MAML3: variants seen among roughly 807,000 people sequenced by gnomAD.
MAML3 encodes mastermind like transcriptional coactivator 3.
Under a neutral mutation model 101.9 loss-of-function variants are expected in MAML3, and 27 were observed. That is an observed-to-expected ratio of 0.27 (90% confidence interval 0.20 to 0.37). MAML3 has a LOEUF of 0.37. MAML3 is among the 10% of genes least tolerant of loss of function. The pLI is 1.00. For synonymous variants in MAML3, 501 were observed against 555.9 expected, an observed-to-expected ratio of 0.90 and a Z score of 1.39; for missense variants, 1,316 against 1,444.9, an observed-to-expected ratio of 0.91 and a Z score of 1.45.
chr4:139,772,515 G>A (rs969932189), intron 2 of MAML3, among the ~76,000 whole-genome samples: 11 of 151,156 alleles, frequency 7.3e-5, no homozygotes, highest in Non-Finnish European at 1.2e-4. Flanking sequence ...CTAATTTTTC[G>A]TATTTTCAGT....
chr4:139,797,676 G>A (rs1189324537), intron 2 of MAML3, among the ~76,000 whole-genome samples: 1 of 152,058 alleles, frequency 6.6e-6, no homozygotes, highest in Non-Finnish European at 1.5e-5. Context: ...TTGATATGAT[G>A]TTTGGTTGGA....
chr4:139,826,401 C>T (rs1402378937), intron 2 of MAML3, among the ~76,000 whole-genome samples: 2 of 152,110 alleles, frequency 1.3e-5, no homozygotes, highest in Admixed American at 6.6e-5. Context: ...GGATTATTCA[C>T]CTGCTGGGTG....
At chr4:140,137,615 A>G (rs1728916850) in intron 1 of MAML3, among the ~76,000 whole-genome samples, 1 of 152,260 alleles carries the variant, frequency 6.6e-6, no homozygotes, top group African/African-American at 2.4e-5. Context: ...AGGAAAAGAT[A>G]GACATAAATA....
chr4:139,844,561 C>T (rs1731410259), intron 2 of MAML3, among the ~76,000 whole-genome samples: 1 of 152,220 alleles, frequency 6.6e-6, no homozygotes, highest in Admixed American at 6.5e-5. Flanking sequence ...GAATCACTGC[C>T]AACATCCTGA....
chr4:140,016,364 T>G (rs1726641872), intron 1 of MAML3, among the ~76,000 whole-genome samples: 1 of 152,180 alleles, frequency 6.6e-6, no homozygotes, highest in Admixed American at 6.5e-5. Flanking sequence ...TTCCTTAACT[T>G]GATACACAAG....
intron 1 of MAML3, among the ~76,000 whole-genome samples, chr4:140,052,325 C>A (rs942213847): frequency 2.6e-5 from 4 of 152,028 alleles, no homozygotes; most frequent in Admixed American, 2.6e-4. Context: ...GCTACATAAC[C>A]AATTAATAGC....
At chr4:140,069,495 AGGG>A (rs1727602653) in intron 1 of MAML3, among the ~76,000 whole-genome samples, 1 of 104,130 alleles carries the variant, frequency 9.6e-6, no homozygotes, top group Non-Finnish European at 1.9e-5. Context: ...GAGGAGGAGG[AGGG>A]GAGGAGGAGG....
intron 1 of MAML3, among the ~76,000 whole-genome samples, chr4:140,025,993 C>T (rs1319416991): frequency 6.6e-6 from 1 of 152,152 alleles, no homozygotes; most frequent in East Asian, 1.9e-4. Context: ...AATGCACATC[C>T]TTGTCTTTTA....
intron 2 of MAML3, among the ~76,000 whole-genome samples, chr4:139,792,539 G>A (rs1730432779): frequency 1.3e-5 from 2 of 152,114 alleles, no homozygotes; most frequent in African/African-American, 4.8e-5. Context: ...TGTATTTTCA[G>A]ATATACAGCA....
At chr4:139,860,938 AG>A (rs1299690483) in intron 2 of MAML3, among the ~76,000 whole-genome samples, 1 of 152,072 alleles carries the variant, frequency 6.6e-6, no homozygotes, top group Non-Finnish European at 1.5e-5. Flanking sequence ...CCCAGTGTTG[AG>A]GTATTGTAGG....
chr4:139,960,868 AAT>A (rs1733999479), intron 1 of MAML3, among the ~76,000 whole-genome samples: 3 of 152,164 alleles, frequency 2.0e-5, no homozygotes, highest in Non-Finnish European at 2.9e-5. Flanking sequence ...AGAAAAAAAA[AAT>A]GAGGCAAATG....
In MAML3 at chr4:139,866,194, A is replaced by C. The variant is rs141821412; in HGVS notation, c.2079+23163T>G. Among the ~76,000 whole-genome samples, 107 of 152,316 alleles carry C rather than the reference A, an allele frequency of 7.0e-4. 1 individual carries two copies. Among genetic ancestry groups the C allele is most frequent in the African/African-American group, 2.5e-3 (103 of 41,564 alleles). On this transcript the variant is annotated intron_variant, in intron 2 of 4. Transcript: ENST00000509479. ...ATACTTGTCAAGATCAGCTGATAGG[A>C]CATATTGTACTTAATTGTTTGTTAG...
At chr4:140,087,115 G>A (rs1229464099) in intron 1 of MAML3, among the ~76,000 whole-genome samples, 1 of 152,172 alleles carries the variant, frequency 6.6e-6, no homozygotes, top group Non-Finnish European at 1.5e-5. Flanking sequence ...AGCTGAGATC[G>A]TGCCATTGCA....
chr4:140,126,755 C>A (rs997171475), intron 1 of MAML3, among the ~76,000 whole-genome samples: 5 of 152,040 alleles, frequency 3.3e-5, no homozygotes, highest in Non-Finnish European at 5.9e-5. Flanking sequence ...TAAATACACC[C>A]ATTAAACGTC....
intron 2 of MAML3, among the ~76,000 whole-genome samples, chr4:139,767,134 T>C (rs1729877535): frequency 6.6e-6 from 1 of 152,206 alleles, no homozygotes. Flanking sequence ...CCACAACAAC[T>C]TTCCAGCGGG....
chr4:139,960,371 T>A (rs982909067), intron 1 of MAML3, among the ~76,000 whole-genome samples: 2 of 152,206 alleles, frequency 1.3e-5, no homozygotes, highest in African/African-American at 2.4e-5. Context: ...CACTACCTTT[T>A]AAAATTGGAC....
intron 2 of MAML3, among the ~76,000 whole-genome samples, chr4:139,845,360 G>C (rs1163896670): frequency 6.6e-6 from 1 of 152,186 alleles, no homozygotes; most frequent in Non-Finnish European, 1.5e-5. Flanking sequence ...ATAGAAGAGG[G>C]CTTCTTTATT....
At chr4:139,874,558 T>A (rs1732072508) in intron 2 of MAML3, among the ~76,000 whole-genome samples, 1 of 152,106 alleles carries the variant, frequency 6.6e-6, no homozygotes, top group Non-Finnish European at 1.5e-5. Flanking sequence ...GCACAATGCC[T>A]AGACACCACA....
At chr4:139,829,917 T>C (rs1441941953) in intron 2 of MAML3, among the ~76,000 whole-genome samples, 1 of 152,256 alleles carries the variant, frequency 6.6e-6, no homozygotes, top group African/African-American at 2.4e-5. Flanking sequence ...GGATAGCCTC[T>C]GTGACAATGG....
Sources: gnomAD v4.1 joint callset for allele counts (sites outside exome capture counted in the v4.1 genomes callset) on GRCh38, gnomAD v4.1.1 for gene constraint, MANE v1.5 for transcripts, NCBI Gene and HGNC (gene_info 2026-07-23, HGNC 2026-07-21) for gene names.